The following ALK variants were observed in gnomAD, a reference collection of about 807,000 sequenced individuals.
ALK encodes the protein ALK receptor tyrosine kinase.
In ALK, 74 loss-of-function variants were observed where a neutral mutation model predicts 163.1. That is an observed-to-expected ratio of 0.45 (90% confidence interval 0.38 to 0.55). The LOEUF (loss-of-function observed/expected upper bound fraction) is 0.55. ALK is among the 20% of genes least tolerant of loss of function. The pLI, the probability that ALK is intolerant of heterozygous loss-of-function variation, is 0.00. For synonymous variants in ALK, 960 were observed against 843.2 expected, an observed-to-expected ratio of 1.14 and a Z score of -2.40; for missense variants, 2,063 against 2,105.3, an observed-to-expected ratio of 0.98 and a Z score of 0.39.
chr2:29,366,416 G>A (rs1367529799), intron 5 of ALK, among the ~76,000 whole-genome samples: 2 of 152,118 alleles, frequency 1.3e-5, no homozygotes, highest in Admixed American at 6.5e-5. Flanking sequence ...GAGGGCAGTG[G>A]GGAGCCCTTG....
In ALK at chr2:29,864,914, C is replaced by T. The variant is rs1466178509; in HGVS notation, c.667+55079G>A. On this transcript the variant is annotated intron_variant, in intron 1 of 28. Transcript: ENST00000389048. ...GCAAGTCACATTGTGATGACAAACG[C>T]CTCCCACCCTCTCCCCTGAAGGGCA... is the stretch of plus-strand genomic sequence containing the variant. 3.3e-5 allele frequency among the ~76,000 whole-genome samples: 5 copies of T among 152,128 alleles called. No homozygotes were observed. The East Asian group carries it at 5.8e-4, about 18-fold the overall frequency.
intron 1 of ALK, among the ~76,000 whole-genome samples, chr2:29,772,714 T>G (rs1558481682): frequency 6.6e-6 from 1 of 152,212 alleles, no homozygotes; most frequent in Non-Finnish European, 1.5e-5. Context: ...GGACTACTGT[T>G]TTTCACGACA....
intron 3 of ALK, among the ~76,000 whole-genome samples, chr2:29,625,041 A>G (rs925051659): frequency 6.6e-6 from 1 of 152,242 alleles, no homozygotes; most frequent in South Asian, 2.1e-4. Context: ...TATGGACGTG[A>G]GTGTGTCAGG....
At chr2:29,275,335 G>A (rs944193147) in intron 10 of ALK, 67 bp downstream of exon 10, 1 of 1,608,622 alleles carries the variant, frequency 6.2e-7, no homozygotes, top group Non-Finnish European at 8.5e-7. Flanking sequence ...TTAGGCTGAG[G>A]AGGGGACAAT....
intron 5 of ALK, among the ~76,000 whole-genome samples, chr2:29,338,023 A>C (rs1185979988): frequency 6.6e-6 from 1 of 152,138 alleles, no homozygotes; most frequent in Non-Finnish European, 1.5e-5. Context: ...AACAGAATAC[A>C]TGGGTTCTTA....
chr2:29,832,463 G>T (rs1261543938), intron 1 of ALK, among the ~76,000 whole-genome samples: 4 of 152,204 alleles, frequency 2.6e-5, no homozygotes. Context: ...TGTTATCTTT[G>T]GGGGAAGAGG....
chr2:29,555,486 G>A (rs1211068451), intron 3 of ALK, among the ~76,000 whole-genome samples: 1 of 152,198 alleles, frequency 6.6e-6, no homozygotes, highest in Non-Finnish European at 1.5e-5. Context: ...ATTGGGAACA[G>A]TCAATCTGTG....
intron 1 of ALK, among the ~76,000 whole-genome samples, chr2:29,791,298 C>T (rs1664180685): frequency 6.6e-6 from 1 of 152,068 alleles, no homozygotes; most frequent in Non-Finnish European, 1.5e-5. Flanking sequence ...TACTATGCAG[C>T]CATAAAAAAG....
intron 15 of ALK, 125 bp downstream of exon 15, chr2:29,232,179 A>G: frequency 7.5e-7 from 1 of 1,331,834 alleles, no homozygotes; most frequent in Non-Finnish European, 1.1e-6. Context: ...TATCGGTACC[A>G]ATATTCAGAG....
At chr2:29,385,931 G>C (rs1056074324) in intron 4 of ALK, among the ~76,000 whole-genome samples, 3 of 152,198 alleles carry the variant, frequency 2.0e-5, no homozygotes, top group African/African-American at 4.8e-5. Context: ...CTTAGAATCA[G>C]AGTCAAAATG....
intron 6 of ALK, among the ~76,000 whole-genome samples, chr2:29,326,592 A>G (rs1342199849): frequency 6.6e-6 from 1 of 152,166 alleles, no homozygotes; most frequent in Non-Finnish European, 1.5e-5. Context: ...ACTATACGAG[A>G]AAGGCCAGGA....
intron 3 of ALK, chr2:29,681,261 G>C (rs1019278738): frequency 6.6e-6 from 1 of 152,224 alleles, no homozygotes; most frequent in Non-Finnish European, 1.5e-5. Flanking sequence ...CGGGGTTTAA[G>C]CATTCTTTCT....
At chr2:29,895,983 C>A (rs571695683) in intron 1 of ALK, among the ~76,000 whole-genome samples, 2 of 152,300 alleles carry the variant, frequency 1.3e-5, no homozygotes, top group South Asian at 4.1e-4. Flanking sequence ...ACAGCTCTCT[C>A]CATCCTGAAG....
At chr2:29,772,633 GC>G (rs1478927131) in intron 1 of ALK, among the ~76,000 whole-genome samples, 1 of 152,296 alleles carries the variant, frequency 6.6e-6, no homozygotes, top group Admixed American at 6.5e-5. Context: ...CTAGCTGTAT[GC>G]CCCCCTAAAA....
chr2:29,450,842 A>C (rs983268340), intron 4 of ALK, among the ~76,000 whole-genome samples: 7 of 152,180 alleles, frequency 4.6e-5, no homozygotes, highest in African/African-American at 1.7e-4. Flanking sequence ...TCCTCAGATC[A>C]CTGACTACCC....
chr2:29,425,879 C>A (rs764238553), intron 4 of ALK, among the ~76,000 whole-genome samples: 1 of 152,170 alleles, frequency 6.6e-6, no homozygotes, highest in East Asian at 1.9e-4. Context: ...CTATCTACAA[C>A]AAGCTAAACA....
At chr2:29,361,238 A>G (rs1461128251) in intron 5 of ALK, among the ~76,000 whole-genome samples, 3 of 152,216 alleles carry the variant, frequency 2.0e-5, no homozygotes, top group African/African-American at 7.2e-5. Context: ...CGTCCACATT[A>G]TTCACCAGGG....
intron 11 of ALK, among the ~76,000 whole-genome samples, chr2:29,255,227 T>C (rs756951611): frequency 3.3e-5 from 5 of 152,202 alleles, no homozygotes; most frequent in Non-Finnish European, 7.3e-5. Context: ...GCGAGGGCTG[T>C]CCTGCTTCTC....
At chr2:29,322,006 C>T (rs77257431) in intron 6 of ALK, among the ~76,000 whole-genome samples, 1 of 152,240 alleles carries the variant, frequency 6.6e-6, no homozygotes, top group Non-Finnish European at 1.5e-5. Flanking sequence ...CCAGCTCACT[C>T]TGAGCATGGC....
Sources: gnomAD v4.1 joint callset for allele counts (sites outside exome capture counted in the v4.1 genomes callset) on GRCh38, gnomAD v4.1.1 for gene constraint, MANE v1.5 for transcripts, NCBI Gene and HGNC (gene_info 2026-07-23, HGNC 2026-07-21) for gene names.